ELAPOR1: variants seen among roughly 807,000 people sequenced by gnomAD.
ELAPOR1 encodes endosome-lysosome associated apoptosis and autophagy regulator 1.
A neutral mutation model predicts 119.7 loss-of-function variants in ELAPOR1; 77 were observed. That is an observed-to-expected ratio of 0.64 (90% CI 0.54 to 0.78). ELAPOR1 has a LOEUF of 0.78. ELAPOR1 is among the 30% of genes least tolerant of loss of function. The pLI, the probability that ELAPOR1 is intolerant of heterozygous loss-of-function variation, is 0.00. For synonymous variants in ELAPOR1, 481 were observed against 487.2 expected (o/e 0.99, Z 0.17); for missense variants, 1,115 against 1,270.4 (o/e 0.88, Z 1.86).
chr1:109,200,846 C>A lies in ELAPOR1; in HGVS notation c.2919C>A (p.Leu973=). 1 of 1,614,212 alleles carries A rather than the reference C, an allele frequency of 6.2e-7. No homozygotes were observed. Among genetic ancestry groups the A allele is most frequent in the Non-Finnish European group, 8.5e-7 (1 of 1,180,036 alleles). The change falls in exon 21 of 22, where the codon CTC becomes CTA. Residue 973 remains leucine (L), a synonymous_variant. Transcript: ENST00000369939. ...IMEGEDVEDD[L]IFTSKKSLFG... ...AAGGCGAGGATGTAGAGGACGACCT[C>A]ATCTTTACCAGCAAGAAGTCACTCT...
At chr1:109,183,602 T>TTCCCTCCCTCCC (rs1652871893) in intron 7 of ELAPOR1, among the ~76,000 whole-genome samples, 4 of 10,104 alleles carry the variant, frequency 4.0e-4, no homozygotes, top group African/African-American at 5.9e-4. Context: ...CCTTCCTTCC[T>TTCCCTCCCTCCC]TCCTTCCATC....
intron 7 of ELAPOR1, among the ~76,000 whole-genome samples, chr1:109,181,067 T>C (rs1315655623): frequency 1.3e-5 from 2 of 152,170 alleles, no homozygotes; most frequent in African/African-American, 4.8e-5. Context: ...TTATTACCTA[T>C]AGCATAGTGA....
At chr1:109,143,010 T>C (rs187389150) in intron 1 of ELAPOR1, among the ~76,000 whole-genome samples, 15 of 151,788 alleles carry the variant, frequency 9.9e-5, no homozygotes, top group African/African-American at 2.9e-4. Flanking sequence ...AGTGCAGTAG[T>C]GCGATCTCAG....
rs1647810190 is a variant in ELAPOR1 at position 109,114,233 on chromosome 1, G to A, written c.50G>A (p.Arg17Lys). The A allele has an allele frequency of 1.2e-6, 2 of 1,605,060 alleles. No homozygotes were observed. Among genetic ancestry groups the A allele is most frequent in the African/African-American group, 2.7e-5 (2 of 74,784 alleles). The change falls in exon 1 of 22, where the codon AGA becomes AAA. Residue 17 changes from arginine to lysine, a missense_variant. Coordinates refer to ENST00000369939, the MANE Select transcript of ELAPOR1 (RefSeq NM_020775.5). ...SHHLSARVRG[R>K]TERRIPRLWR... is the part of the protein sequence containing the mutation. ...CATCTCTCCGCCAGAGTCAGGGGAA[G>A]AACTGAGAGGCGCATACCCCGGCTG...
At chr1:109,145,273 C>T (rs902208356) in intron 1 of ELAPOR1, among the ~76,000 whole-genome samples, 2 of 151,912 alleles carry the variant, frequency 1.3e-5, no homozygotes, top group African/African-American at 2.4e-5. Flanking sequence ...GTCTCTAGAA[C>T]GGTGAAAAAA....
chr1:109,124,695 C>A (rs1648662065), intron 1 of ELAPOR1, among the ~76,000 whole-genome samples: 1 of 152,176 alleles, frequency 6.6e-6, no homozygotes, highest in Non-Finnish European at 1.5e-5. Context: ...TGCACACCGT[C>A]ACCTTTTCTC....
chr1:109,181,086 T>C (rs1652665498), intron 7 of ELAPOR1, among the ~76,000 whole-genome samples: 1 of 152,234 alleles, frequency 6.6e-6, no homozygotes, highest in African/African-American at 2.4e-5. Flanking sequence ...GAGGGAGTTA[T>C]TTCTGCATTT....
intron 1 of ELAPOR1, among the ~76,000 whole-genome samples, chr1:109,138,648 G>A (rs964723200): frequency 2.7e-5 from 4 of 149,146 alleles, no homozygotes; most frequent in African/African-American, 9.8e-5. Flanking sequence ...TTCTCCCCTG[G>A]GTCAGAGTCA....
chr1:109,140,230 A>C (rs1405144269), intron 1 of ELAPOR1, among the ~76,000 whole-genome samples: 1 of 152,200 alleles, frequency 6.6e-6, no homozygotes, highest in Non-Finnish European at 1.5e-5. Flanking sequence ...ACATCTGTAC[A>C]TATTGGCTCT....
intron 2 of ELAPOR1, among the ~76,000 whole-genome samples, chr1:109,163,543 C>T (rs575820602): frequency 6.7e-6 from 1 of 149,930 alleles, no homozygotes; most frequent in Non-Finnish European, 1.5e-5. Flanking sequence ...CAGGCACACG[C>T]GACCACTCCC....
Position 109,114,263 on chromosome 1 carries a change from G to T in ELAPOR1, c.80G>T (p.Arg27Leu). Residue 27 changes from arginine to leucine, a missense_variant, in exon 1 of 22, where the codon CGG becomes CTG. Arg to Leu is a moderately radical substitution (Grantham distance 102). Transcript: ENST00000369939. ...RTERRIPRLW[R>L]LLLWAGTAFQ... ...GAGAGGCGCATACCCCGGCTGTGGC[G>T]GCTGCTGCTCTGGGCTGGGACCGCC... The T allele has an allele frequency of 6.2e-7, 1 of 1,600,364 alleles. No homozygotes were observed. Among genetic ancestry groups the T allele is most frequent in the Non-Finnish European group, 8.5e-7 (1 of 1,173,660 alleles).
intron 8 of ELAPOR1, 113 bp downstream of exon 8, chr1:109,185,246 C>G: frequency 1.2e-6 from 1 of 823,080 alleles, no homozygotes; most frequent in Non-Finnish European, 2.1e-6. Flanking sequence ...TAGTTAAAAC[C>G]CCACAGACCT....
chr1:109,120,914 T>C (rs1419293662), intron 1 of ELAPOR1, among the ~76,000 whole-genome samples: 1 of 152,166 alleles, frequency 6.6e-6, no homozygotes, highest in Admixed American at 6.5e-5. Flanking sequence ...ATTAGTAGCA[T>C]CTTAAGGTGT....
At chr1:109,140,527 G>A (rs891634706) in intron 1 of ELAPOR1, among the ~76,000 whole-genome samples, 2 of 152,160 alleles carry the variant, frequency 1.3e-5, no homozygotes, top group African/African-American at 2.4e-5. Context: ...TGGATTGGAG[G>A]GGAGAGGGGA....
intron 1 of ELAPOR1, among the ~76,000 whole-genome samples, chr1:109,134,096 G>A (rs1649312335): frequency 6.6e-6 from 1 of 152,160 alleles, no homozygotes; most frequent in Admixed American, 6.5e-5. Context: ...CTGTATAAAG[G>A]AGCACTTCCT....
intron 1 of ELAPOR1, among the ~76,000 whole-genome samples, chr1:109,139,966 T>A (rs536982257): frequency 6.6e-6 from 1 of 152,292 alleles, no homozygotes; most frequent in East Asian, 1.9e-4. Flanking sequence ...TTTCGCCATG[T>A]TGCCCAGGCT....
intron 1 of ELAPOR1, among the ~76,000 whole-genome samples, chr1:109,151,785 A>G (rs1558034189): frequency 6.6e-6 from 1 of 152,192 alleles, no homozygotes; most frequent in East Asian, 1.9e-4. Flanking sequence ...TTCCAGGCAA[A>G]GAAGCATTTG....
chr1:109,194,766 A>G (rs1653679140), intron 15 of ELAPOR1, among the ~76,000 whole-genome samples, 172 bp downstream of exon 15: 1 of 152,238 alleles, frequency 6.6e-6, no homozygotes, highest in African/African-American at 2.4e-5. Flanking sequence ...AAAATTAAAT[A>G]ATCAGGATTA....
At chr1:109,191,279 C>A in intron 11 of ELAPOR1, 87 bp from the exon 12 acceptor site, 1 of 854,554 alleles carries the variant, frequency 1.2e-6, no homozygotes, top group Non-Finnish European at 1.9e-6. Flanking sequence ...TTAACCCTGT[C>A]CCCCAGCAGA....
Sources: allele counts gnomAD v4.1 joint callset (sites outside exome capture counted in the v4.1 genomes callset), GRCh38; gene constraint gnomAD v4.1.1; transcripts MANE v1.5; gene names NCBI Gene and HGNC (gene_info 2026-07-23, HGNC 2026-07-21).